Variants in QRICH1 observed in about 807,000 individuals in gnomAD.
The protein encoded by QRICH1 is glutamine rich 1.
QRICH1 carries 16 observed loss-of-function variants against 87.1 expected under a neutral mutation model. The observed-to-expected ratio is 0.18, with a 90% CI of 0.12 to 0.28. QRICH1 has a LOEUF of 0.28. Ranked by LOEUF, QRICH1 falls within the 10% of genes least tolerant of loss-of-function variation. QRICH1 has a pLI of 1.00. For synonymous variants in QRICH1, 367 were observed against 368.4 expected (o/e 1.00, Z 0.05); for missense variants, 647 against 951.7 (o/e 0.68, Z 4.21).
chr3:49,093,342 G>A (rs1447790665), intron 1 of QRICH1: 5 of 152,190 alleles, frequency 3.3e-5, no homozygotes, highest in Non-Finnish European at 5.9e-5. Flanking sequence ...AGACAGCAAA[G>A]CTGGTTGGTT....
intron 3 of QRICH1, 118 bp from the exon 4 acceptor site, chr3:49,047,364 T>C (rs1327041597): frequency 2.0e-6 from 2 of 989,490 alleles, no homozygotes; most frequent in Admixed American, 2.8e-5. Flanking sequence ...TCTCTACTCA[T>C]TGCTGTCCTA....
chr3:49,064,254 T>G (rs1334898508), intron 2 of QRICH1, among the ~76,000 whole-genome samples: 1 of 145,378 alleles, frequency 6.9e-6, no homozygotes, highest in African/African-American at 2.6e-5. Context: ...TTTTTTTTTT[T>G]TTTTGGAGAC....
At chr3:49,033,318 C>T (rs1438788685) in intron 6 of QRICH1, 90 bp from the exon 7 acceptor site, 9 of 741,672 alleles carry the variant, frequency 1.2e-5, no homozygotes, top group Admixed American at 7.6e-5. Flanking sequence ...AAGGACCACA[C>T]AGGAGTATAA....
intron 3 of QRICH1, among the ~76,000 whole-genome samples, chr3:49,050,003 C>G (rs1452409765): frequency 6.7e-6 from 1 of 150,230 alleles, no homozygotes; most frequent in Non-Finnish European, 1.5e-5. Context: ...AGTTGGAGAC[C>G]AGCCTGGCCA....
At chr3:49,088,257 T>C (rs181792336) in intron 1 of QRICH1, among the ~76,000 whole-genome samples, 12 of 152,110 alleles carry the variant, frequency 7.9e-5, no homozygotes, top group East Asian at 5.8e-4. Flanking sequence ...CCGACCAGAA[T>C]TGACGTATTT....
chr3:49,046,009 G>A (rs555355432), intron 5 of QRICH1, among the ~76,000 whole-genome samples: 50 of 150,992 alleles, frequency 3.3e-4, no homozygotes, highest in Non-Finnish European at 5.5e-4. Context: ...TCTACCTCCC[G>A]GGTTCAAGCG....
At chr3:49,077,089 C>A in intron 1 of QRICH1, 51 bp from the exon 2 acceptor site, 1 of 1,229,582 alleles carries the variant, frequency 8.1e-7, no homozygotes. Context: ...GCAGGAAATG[C>A]CCAGAAGCAA....
At chr3:49,051,584 GC>G (rs11420410) in intron 3 of QRICH1, among the ~76,000 whole-genome samples, 30,448 of 57,014 alleles carry the variant, frequency 0.53, 7,149 homozygotes, top group East Asian at 0.79. Context: ...CCCCCCCTGC[GC>G]CCCCCCCCCC....
chr3:49,062,189 G>A (rs1447408835), intron 2 of QRICH1, among the ~76,000 whole-genome samples: 1 of 151,864 alleles, frequency 6.6e-6, no homozygotes, highest in African/African-American at 2.4e-5. Flanking sequence ...ACAAAAATTA[G>A]CTGGGCGTGG....
At chr3:49,090,555 A>C (rs1206604501) in intron 1 of QRICH1, among the ~76,000 whole-genome samples, 3 of 150,430 alleles carry the variant, frequency 2.0e-5, no homozygotes, top group South Asian at 4.2e-4. Flanking sequence ...TTGAACCCGG[A>C]AGGTGGAGGT....
chr3:49,079,557 G>A (rs1198225035), intron 1 of QRICH1, among the ~76,000 whole-genome samples: 1 of 150,076 alleles, frequency 6.7e-6, no homozygotes, highest in Non-Finnish European at 1.5e-5. Flanking sequence ...TAATAATTAA[G>A]TGGTCAACGA....
chr3:49,033,109 A>G lies in QRICH1; in HGVS notation c.1895+11T>C, dbSNP rs2093252325. 2.0e-6 allele frequency: 3 copies of G among 1,510,790 alleles called. No homozygotes were observed. The highest frequency in any genetic ancestry group is 1.8e-6 in the Non-Finnish European group (2 of 1,124,028). The allele number at this position is 1,510,790 out of a possible 1,614,324, so 93.6% of individuals were successfully genotyped here. ...GACAGATGCCAGCAGTGGAGCCTCT[A>G]GAACACTTACTTGGTATTAAAGAAC... On this transcript the variant is annotated intron_variant, in intron 7 of 9. Transcript: ENST00000395443.
intron 1 of QRICH1, among the ~76,000 whole-genome samples, chr3:49,084,122 T>A (rs2107022232): frequency 6.6e-6 from 1 of 152,062 alleles, no homozygotes; most frequent in East Asian, 2.0e-4. Context: ...ATTTTTATAT[T>A]TTTAGTAGAG....
At chr3:49,033,253 A>C in intron 6 of QRICH1, 25 bp from the exon 7 acceptor site, 1 of 1,425,044 alleles carries the variant, frequency 7.0e-7, no homozygotes, top group Non-Finnish European at 9.4e-7. Flanking sequence ...GTACTGTCAC[A>C]ACAAGAGGAT....
chr3:49,071,761 C>A, intron 2 of QRICH1, among the ~76,000 whole-genome samples: 1 of 152,212 alleles, frequency 6.6e-6, no homozygotes. Context: ...GGCACAATCA[C>A]AGCTCGCTGC....
chr3:49,092,499 CTTTTTA>C (rs2042295372), intron 1 of QRICH1: 1 of 152,048 alleles, frequency 6.6e-6, no homozygotes, highest in East Asian at 1.9e-4. Flanking sequence ...TCCTCAGCCT[CTTTTTA>C]TTAATAATTT....
chr3:49,050,926 A>G (rs114719593), intron 3 of QRICH1, among the ~76,000 whole-genome samples: 2,901 of 152,180 alleles, frequency 0.019, 37 homozygotes, highest in Middle Eastern at 0.037. Context: ...TACCTAGTCA[A>G]TAAGTACTTT....
At chr3:49,035,656 A>AG (rs1353260041) in intron 6 of QRICH1, among the ~76,000 whole-genome samples, 1 of 151,964 alleles carries the variant, frequency 6.6e-6, no homozygotes, top group East Asian at 1.9e-4. Context: ...CTTAAAAAAA[A>AG]AAACAAAAAA....
rs534382712 is a variant in QRICH1, at chr3:49,059,756, G to A, written c.310-1866C>T. Among the ~76,000 whole-genome samples, 9 of 141,532 alleles carry A rather than the reference G, an allele frequency of 6.4e-5. No individual in the cohort carries two copies. The South Asian group carries it at 9.8e-4, about 15-fold the overall frequency. The allele number at this position is 141,532 out of a possible 152,430, so 92.9% of individuals were successfully genotyped here. A position where few individuals can be genotyped will look rare whatever the true frequency, so the allele number is the denominator to read the frequency against. On this transcript the variant is annotated intron_variant, in intron 2 of 9. Coordinates refer to ENST00000395443, the MANE Select transcript of QRICH1 (RefSeq NM_198880.3). The stretch of plus-strand genomic sequence containing the variant: ...TATTTTCTGAGATGGAGTTTCGCTC[G>A]TTCCCCAGGCTGGAGTGATATGGTA...
Sources: gnomAD v4.1 joint callset for allele counts (sites outside exome capture counted in the v4.1 genomes callset) on GRCh38, gnomAD v4.1.1 for gene constraint, MANE v1.5 for transcripts, NCBI Gene and HGNC (gene_info 2026-07-23, HGNC 2026-07-21) for gene names.